The following UGT1A5 variants were observed in gnomAD, a reference collection of about 807,000 sequenced individuals.
UGT1A5 encodes UDP-glucuronosyltransferase 1A5.
In UGT1A5, 29 loss-of-function variants were observed where a neutral mutation model predicts 40.3. The ratio of observed to expected loss-of-function variants is 0.72; its 90% CI spans 0.54 to 0.98. UGT1A5 has a LOEUF of 0.98. UGT1A5 is among the 50% of genes least tolerant of loss of function. The pLI is 0.00. For synonymous variants in UGT1A5, 257 were observed against 262.5 expected, an observed-to-expected ratio of 0.98 and a Z score of 0.20; for missense variants, 678 against 677.9, an observed-to-expected ratio of 1.00 and a Z score of 0.00.
intron 1 of UGT1A5, among the ~76,000 whole-genome samples, chr2:233,725,807 A>G (rs2077476703): frequency 6.6e-6 from 1 of 152,102 alleles, no homozygotes; most frequent in Non-Finnish European, 1.5e-5. Context: ...CTTAAAATCC[A>G]TTTTATTGGA....
rs143907483 is a variant in UGT1A5 at position 233,715,103 on chromosome 2, C to G, written c.867+1245C>G. 2.9e-3 allele frequency among the ~76,000 whole-genome samples: 442 copies of G among 152,202 alleles called. 2 individuals carry two copies. The highest frequency in any genetic ancestry group is 5.0e-3 in the Non-Finnish European group (340 of 68,020). On this transcript the variant is annotated intron_variant, in intron 1 of 4. Coordinates refer to ENST00000373414, the MANE Select transcript of UGT1A5 (RefSeq NM_019078.2). The stretch of plus-strand genomic sequence containing the variant: ...GTTTCATCATATTGGCCAGGCTGAT[C>G]TCAAATGCCTGATCTCAAGTGATTC...
chr2:233,732,709 C>A (rs540969589), intron 1 of UGT1A5, among the ~76,000 whole-genome samples: 5 of 150,878 alleles, frequency 3.3e-5, no homozygotes, highest in Non-Finnish European at 7.4e-5. Flanking sequence ...GTTACTGTAG[C>A]CTTGTAGTAC....
At chr2:233,755,117 C>T (rs1274976698) in intron 1 of UGT1A5, 1 of 1,330,518 alleles carries the variant, frequency 7.5e-7, no homozygotes, top group Admixed American at 1.9e-5. Flanking sequence ...CCTCGTAGGC[C>T]TCAGCCACCT....
chr2:233,755,064 C>A, intron 1 of UGT1A5: 1 of 1,335,842 alleles, frequency 7.5e-7, no homozygotes, highest in African/African-American at 1.5e-5. Flanking sequence ...CCTCGCCTCG[C>A]CATAGCGGTC....
At chr2:233,755,897 A>G (rs577722637) in intron 1 of UGT1A5, 1 of 152,230 alleles carries the variant, frequency 6.6e-6, no homozygotes, top group South Asian at 2.1e-4. Flanking sequence ...TTTTTTTGAG[A>G]CAAAATGTAG....
chr2:233,726,986 T>C (rs749944838), intron 1 of UGT1A5, among the ~76,000 whole-genome samples: 1 of 152,226 alleles, frequency 6.6e-6, no homozygotes, highest in Non-Finnish European at 1.5e-5. Flanking sequence ...TTTGATGAGG[T>C]TCTTTCTAGC....
Position 233,713,074 on chromosome 2 carries a change from G to A in UGT1A5, c.83G>A (p.Ser28Asn), listed in dbSNP as rs2076276238. 3.1e-6 allele frequency: 5 copies of A among 1,614,210 alleles called. No homozygotes were observed. The highest frequency in any genetic ancestry group is 1.1e-5 in the South Asian group (1 of 91,080). The change falls in exon 1 of 5, where the codon AGT becomes AAT. Residue 28 changes from serine to asparagine, a missense_variant. Coordinates refer to ENST00000373414, the MANE Select transcript of UGT1A5 (RefSeq NM_019078.2). Reference protein sequence around the residue: ...LLLSVQPWAESGKVLVVPTDG... With the variant: ...LLLSVQPWAENGKVLVVPTDG... The stretch of plus-strand genomic sequence containing the variant: ...CTCAGTGTCCAGCCCTGGGCTGAGA[G>A]TGGGAAGGTGCTGGTGGTGCCCACT...
intron 1 of UGT1A5, among the ~76,000 whole-genome samples, chr2:233,725,748 A>G (rs530176387): frequency 3.9e-5 from 6 of 152,300 alleles, no homozygotes; most frequent in African/African-American, 1.4e-4. Context: ...ACATTGTAAG[A>G]GACTTACATT....
intron 1 of UGT1A5, chr2:233,743,836 C>T (rs62191918): frequency 0.07 from 95,512 of 1,367,130 alleles, 4,650 homozygotes; most frequent in East Asian, 0.2. Context: ...GCCACTTGAG[C>T]GCCAGCTTGC....
In UGT1A5 at chr2:233,713,745, G is replaced by C; in HGVS notation, c.754G>C (p.Ala252Pro). 6.2e-7 allele frequency: 1 copy of C among 1,613,988 alleles called. No individual in the cohort carries two copies. The highest frequency in any genetic ancestry group is 1.3e-5 in the African/African-American group (1 of 75,026). ...EVSVVDLVSH[A>P]SVWLFRGDFV... ...GTCAGTGGTGGATCTTGTCAGCCAT[G>C]CATCTGTGTGGCTGTTCCGAGGGGA... The change falls in exon 1 of 5, where the codon GCA (alanine) becomes CCA (proline). Residue 252 changes from alanine to proline, a missense_variant. Ala to Pro is a conservative substitution (Grantham distance 27). Transcript: ENST00000373414.
intron 1 of UGT1A5, chr2:233,729,394 G>T: frequency 1.2e-6 from 2 of 1,613,862 alleles, no homozygotes; most frequent in Non-Finnish European, 1.7e-6. Context: ...GGATGAATTT[G>T]ATCGCCATGT....
At position 233,769,501 on chromosome 2, in the gene UGT1A5, A is replaced by G. The variant is rs773053251; in HGVS notation, c.1307+1062A>G. 30 of 1,612,628 alleles carry G rather than the reference A, an allele frequency of 1.9e-5. No homozygotes were observed. In the Admixed American group the frequency reaches 4.8e-4, roughly 26 times the overall value. ...TGTGCGTGTGTTTATGAGAGTGTCCATTGCTTTCTCCCATGGTTACCTCCT... is the reference window on the plus strand; with the variant it reads ...TGTGCGTGTGTTTATGAGAGTGTCCGTTGCTTTCTCCCATGGTTACCTCCT... On this transcript the variant is annotated intron_variant, in intron 4 of 4. Transcript: ENST00000373414. This position sits in a 1 kb window ranked among gnomAD's most constrained non-coding sequence, Gnocchi z 4.4.
intron 1 of UGT1A5, among the ~76,000 whole-genome samples, chr2:233,758,517 G>C (rs1696901755): frequency 6.6e-6 from 1 of 152,214 alleles, no homozygotes; most frequent in Non-Finnish European, 1.5e-5. Flanking sequence ...ACACAACAAA[G>C]AGTGAAAGCA....
At position 233,718,744 on chromosome 2, in the gene UGT1A5, G is replaced by A. The variant is rs545172755; in HGVS notation, c.867+4886G>A. 901 of 1,612,042 alleles carry A rather than the reference G, an allele frequency of 5.6e-4. 10 individuals carry two copies. The South Asian group carries it at 9.2e-3, about 16-fold the overall frequency. On this transcript the variant is annotated intron_variant, in intron 1 of 4. Transcript: ENST00000373414. ...GATTTGCTAGGTGGCTCAATGACAA[G>A]GTAATTAAGGCGAAGGAAACAAATG...
chr2:233,739,953 G>A (rs1339008674), intron 1 of UGT1A5, among the ~76,000 whole-genome samples: 1 of 151,912 alleles, frequency 6.6e-6, no homozygotes, highest in Non-Finnish European at 1.5e-5. Context: ...CCTGGTGGGA[G>A]CTGATTGAAT....
intron 1 of UGT1A5, chr2:233,761,270 C>T (rs990068200): frequency 1.9e-6 from 3 of 1,591,968 alleles, no homozygotes; most frequent in Non-Finnish European, 2.6e-6. Context: ...AAAATGCCCT[C>T]TTTTGTTAAT....
At chr2:233,727,726 T>C (rs1372996162) in intron 1 of UGT1A5, among the ~76,000 whole-genome samples, 1 of 152,208 alleles carries the variant, frequency 6.6e-6, no homozygotes, top group Admixed American at 6.5e-5. Flanking sequence ...CAGACCTTCC[T>C]TTTCTGTGCC....
intron 1 of UGT1A5, among the ~76,000 whole-genome samples, chr2:233,757,461 C>T (rs181439880): frequency 5.8e-4 from 87 of 149,574 alleles, no homozygotes; most frequent in Non-Finnish European, 1.2e-3. Context: ...GTCCAGAGCG[C>T]TTACTGTCTC....
At chr2:233,724,617 C>T (rs553228713) in intron 1 of UGT1A5, among the ~76,000 whole-genome samples, 3,256 of 135,154 alleles carry the variant, frequency 0.024, 113 homozygotes, top group African/African-American at 0.056. Context: ...CGGGCAGAGA[C>T]GCTCCTCACT....
Sources: allele counts gnomAD v4.1 joint callset (sites outside exome capture counted in the v4.1 genomes callset), GRCh38; gene constraint gnomAD v4.1.1; non-coding constraint Gnocchi (gnomAD v3.1); transcripts MANE v1.5; gene names NCBI Gene and HGNC (gene_info 2026-07-23, HGNC 2026-07-21).